ERBIN: variants seen among roughly 807,000 people sequenced by gnomAD.
The protein encoded by ERBIN is densin-180-like protein.
In ERBIN, 60 loss-of-function variants were observed where a neutral mutation model predicts 158.4. The observed-to-expected ratio is 0.38, with a 90% CI of 0.31 to 0.47. The LOEUF (loss-of-function observed/expected upper bound fraction) is 0.47, where lower values mean the gene tolerates loss of function less well. ERBIN is among the 20% of genes least tolerant of loss of function. ERBIN has a pLI of 0.99. For synonymous variants in ERBIN, 594 were observed against 557.2 expected (o/e 1.07, Z -0.93); for missense variants, 1,610 against 1,648.0 (o/e 0.98, Z 0.40).
At chr5:66,003,615 CAT>C (rs1029929676) in intron 4 of ERBIN, among the ~76,000 whole-genome samples, 6 of 152,178 alleles carry the variant, frequency 3.9e-5, no homozygotes, top group African/African-American at 1.4e-4. Context: ...TTTTTTCAGA[CAT>C]GATTATAAAT....
In ERBIN at chr5:66,050,928, A is replaced by G. The variant is rs1315501309; in HGVS notation, c.2049A>G (p.Pro683=). The change falls in exon 20 of 26, where the codon CCA becomes CCG. Residue 683 remains proline (P), a synonymous_variant. Coordinates refer to ENST00000284037, the MANE Select transcript of ERBIN (RefSeq NM_001253697.2). The part of the protein sequence containing the change: ...DSSQDTSLCS[P]VKQTHIDINS... The stretch of plus-strand genomic sequence containing the variant: ...GTCAAGACACCTCACTCTGCTCTCC[A>G]GTGAAACAAACTCATATTGATATTA... 3 of 1,605,644 alleles carry G rather than the reference A, an allele frequency of 1.9e-6. No individual in the cohort carries two copies. Among genetic ancestry groups the G allele is most frequent in the East Asian group, 2.2e-5 (1 of 44,504 alleles).
intron 17 of ERBIN, among the ~76,000 whole-genome samples, chr5:66,045,235 TGTA>T (rs905142872): frequency 1.3e-5 from 2 of 152,018 alleles, no homozygotes; most frequent in Admixed American, 1.3e-4. Context: ...AGAAAAAATG[TGTA>T]ATGGAGCTGA....
Position 66,054,574 on chromosome 5 carries a change from G to A in ERBIN, c.3256G>A (p.Val1086Ile). ...AAGTAGTGTGTCCTCCACAGCCTCT[G>A]TAAATCTTGGTGATCCAGGCTCTAC... ...RQSSVSSTASVNLGDPGSTRR... is the reference protein window; with the variant it reads ...RQSSVSSTASINLGDPGSTRR... The change falls in exon 21 of 26, where the codon GTA becomes ATA. Residue 1086 changes from valine to isoleucine, a missense_variant. Val to Ile is a conservative substitution (Grantham distance 29, BLOSUM62 3). This residue lies in a region of ERBIN where 1,014 missense variants were observed against 936.1 expected (regional missense o/e 1.08). Coordinates refer to ENST00000284037, the MANE Select transcript of ERBIN (RefSeq NM_001253697.2). The A allele has an allele frequency of 1.2e-6, 2 of 1,614,172 alleles. No homozygotes were observed. Among genetic ancestry groups the A allele is most frequent in the Non-Finnish European group, 1.7e-6 (2 of 1,180,030 alleles).
At chr5:65,995,448 A>G (rs1401258203) in intron 4 of ERBIN, among the ~76,000 whole-genome samples, 3 of 151,584 alleles carry the variant, frequency 2.0e-5, no homozygotes, top group African/African-American at 7.3e-5. Flanking sequence ...TGTTATTGCA[A>G]ATTAACAGGG....
chr5:65,985,494 G>A (rs925552709), intron 1 of ERBIN, among the ~76,000 whole-genome samples: 2 of 152,154 alleles, frequency 1.3e-5, no homozygotes, highest in Admixed American at 6.5e-5. Context: ...CAAAAATAAC[G>A]AGTGAATATT....
At chr5:66,001,872 G>A (rs923754024) in intron 4 of ERBIN, among the ~76,000 whole-genome samples, 16 of 151,922 alleles carry the variant, frequency 1.1e-4, no homozygotes, top group African/African-American at 3.6e-4. Context: ...AGGTATACAC[G>A]TGCCATGGTG....
chr5:66,007,857 G>T (rs1182096865), intron 4 of ERBIN, among the ~76,000 whole-genome samples: 2 of 152,176 alleles, frequency 1.3e-5, no homozygotes, highest in African/African-American at 2.4e-5. Context: ...AAAATTCTTA[G>T]CAGCAGCTAA....
At chr5:65,964,944 G>A (rs1580180329) in intron 1 of ERBIN, among the ~76,000 whole-genome samples, 1 of 77,822 alleles carries the variant, frequency 1.3e-5, no homozygotes, top group Non-Finnish European at 2.8e-5. Flanking sequence ...GTGTGTGTGT[G>A]TAATTTTTTT....
chr5:66,071,741 T>TA (rs1761549864), intron 21 of ERBIN, among the ~76,000 whole-genome samples: 1 of 151,348 alleles, frequency 6.6e-6, no homozygotes, highest in African/African-American at 2.4e-5. Context: ...TTTTTTTTTT[T>TA]ACCAAAAATC....
At chr5:65,980,958 A>T (rs1204743235) in intron 1 of ERBIN, among the ~76,000 whole-genome samples, 1 of 152,234 alleles carries the variant, frequency 6.6e-6, no homozygotes, top group African/African-American at 2.4e-5. Flanking sequence ...TATCTAATTG[A>T]CATTTGTAGA....
At chr5:65,941,475 G>A (rs1745036864) in intron 1 of ERBIN, among the ~76,000 whole-genome samples, 1 of 152,044 alleles carries the variant, frequency 6.6e-6, no homozygotes, top group South Asian at 2.1e-4. Flanking sequence ...TTTTATATGA[G>A]GGATACTTGG....
intron 2 of ERBIN, among the ~76,000 whole-genome samples, chr5:65,989,584 A>G (rs778525727): frequency 5.9e-5 from 9 of 152,178 alleles, no homozygotes; most frequent in Non-Finnish European, 5.9e-5. Flanking sequence ...TTAGCTCTAC[A>G]GAAAAAAAAA....
intron 1 of ERBIN, among the ~76,000 whole-genome samples, chr5:65,987,195 A>G (rs935887807): frequency 3.5e-4 from 54 of 152,264 alleles, no homozygotes; most frequent in African/African-American, 1.3e-3. Flanking sequence ...AGGCATGGAA[A>G]GCTCAAAAGT....
At chr5:65,999,223 A>G (rs1215391476) in intron 4 of ERBIN, among the ~76,000 whole-genome samples, 1 of 152,098 alleles carries the variant, frequency 6.6e-6, no homozygotes, top group Non-Finnish European at 1.5e-5. Flanking sequence ...AAAATAAGCC[A>G]GGCTTGGTGG....
intron 4 of ERBIN, among the ~76,000 whole-genome samples, chr5:66,003,192 A>G (rs1351644373): frequency 6.6e-6 from 1 of 152,184 alleles, no homozygotes; most frequent in African/African-American, 2.4e-5. Context: ...CAGGAACAGT[A>G]AGGGACTCCT....
intron 1 of ERBIN, among the ~76,000 whole-genome samples, chr5:65,950,162 T>C (rs553495900): frequency 6.6e-6 from 1 of 152,238 alleles, no homozygotes; most frequent in East Asian, 1.9e-4. Flanking sequence ...TGTGCCACCA[T>C]GCCCAGCTAA....
intron 1 of ERBIN, among the ~76,000 whole-genome samples, chr5:65,949,736 A>G (rs920264504): frequency 3.3e-5 from 5 of 152,228 alleles, no homozygotes; most frequent in African/African-American, 1.2e-4. Context: ...ATTAAACTAC[A>G]GAGTTTAATT....
chr5:65,986,229 C>G (rs1751217585), intron 1 of ERBIN, among the ~76,000 whole-genome samples: 1 of 152,224 alleles, frequency 6.6e-6, no homozygotes, highest in African/African-American at 2.4e-5. Context: ...ACTCAGTGTC[C>G]TACTCAGATA....
chr5:66,031,458 A>G (rs544274772), intron 14 of ERBIN, among the ~76,000 whole-genome samples: 2 of 152,230 alleles, frequency 1.3e-5, no homozygotes, highest in Non-Finnish European at 2.9e-5. Context: ...TTTAGGATCA[A>G]AGATGGGGAA....
Sources: gnomAD v4.1 joint callset for allele counts (sites outside exome capture counted in the v4.1 genomes callset) on GRCh38, gnomAD v4.1.1 for gene constraint, gnomAD v4.1.1 regional missense constraint, MANE v1.5 for transcripts, NCBI Gene and HGNC (gene_info 2026-07-23, HGNC 2026-07-21) for gene names.